The following ACSF3 variants were observed in gnomAD, a reference collection of about 807,000 sequenced individuals.
The protein encoded by ACSF3 is malonate--CoA ligase ACSF3, mitochondrial.
ACSF3 carries 78 observed loss-of-function variants against 53.2 expected under a neutral mutation model. The observed-to-expected ratio is 1.47, with a 90% confidence interval of 1.22 to 1.77. The LOEUF (loss-of-function observed/expected upper bound fraction) is 1.77, where lower values mean the gene tolerates loss of function less well. Ranked by LOEUF, ACSF3 falls within the 40% of genes most tolerant of loss-of-function variation. The probability of loss-of-function intolerance (pLI) is 0.00; values close to 1 mark genes in which losing one functional copy is unlikely to be tolerated. For missense variants in ACSF3, 937 were observed against 771.1 expected (o/e 1.22, Z -2.55); for synonymous variants, 414 against 333.1 (o/e 1.24, Z -2.65).
At chr16:89,107,884 A>G (rs1399697989) in intron 4 of ACSF3, among the ~76,000 whole-genome samples, 1 of 152,174 alleles carries the variant, frequency 6.6e-6, no homozygotes, top group African/African-American at 2.4e-5. Context: ...AATTTACTGT[A>G]TTAGTCCGTG....
chr16:89,151,201 A>G lies in ACSF3; in HGVS notation c.1614-2889A>G, dbSNP rs949732747. On this transcript the variant is annotated intron_variant, in intron 10 of 10. Coordinates refer to ENST00000614302, the MANE Select transcript of ACSF3 (RefSeq NM_001243279.3). ...ACAGATAACTCCCTTAAAAGACACAAATTGCCAAGACTGACGCAAACACTG... is the reference window on the plus strand; with the variant it reads ...ACAGATAACTCCCTTAAAAGACACAGATTGCCAAGACTGACGCAAACACTG... The G allele has an allele frequency of 1.0e-5, 5 of 490,002 alleles. No individual in the cohort carries two copies. The Admixed American group carries it at 1.2e-4, about 11-fold the overall frequency. The allele number at this position is 490,002 out of a possible 1,614,324, so 30.4% of individuals were successfully genotyped here.
chr16:89,119,248 G>A (rs1027311517), intron 6 of ACSF3, among the ~76,000 whole-genome samples: 4 of 152,310 alleles, frequency 2.6e-5, no homozygotes, highest in African/African-American at 9.6e-5. Flanking sequence ...CCCCACCTGC[G>A]GCCCCCGCCC....
chr16:89,143,389 G>A (rs1003290955), intron 8 of ACSF3, among the ~76,000 whole-genome samples: 2 of 152,164 alleles, frequency 1.3e-5, no homozygotes, highest in Admixed American at 6.5e-5. Flanking sequence ...TCCATGCTGC[G>A]CTGGGTCTCT....
At position 89,110,958 on chromosome 16, in the gene ACSF3, C is replaced by G. The variant is rs184047498; in HGVS notation, c.823-1134C>G. ...GTTGACTGTGTCTGACTTTTTTCCT[C>G]TTTTCTGCTGCGTCTTGTTTGTTAT... On this transcript the variant is annotated intron_variant, in intron 4 of 10. Transcript: ENST00000614302. 6.1e-4 allele frequency among the ~76,000 whole-genome samples: 93 copies of G among 152,318 alleles called. 2 individuals carry two copies. The highest frequency in any genetic ancestry group is 5.9e-3 in the Admixed American group (90 of 15,300).
chr16:89,151,061 C>T, intron 10 of ACSF3: 1 of 1,288,738 alleles, frequency 7.8e-7, no homozygotes, highest in Non-Finnish European at 1.0e-6. Context: ...GGAGAGAAAA[C>T]AGCATTCTAA....
rs1975292355 is a variant in ACSF3, at chr16:89,101,259, G to A, written c.578G>A (p.Arg193Lys). The stretch of plus-strand genomic sequence containing the variant: ...GTCCCGGTCCCAGAGCAGGGATGGA[G>A]GAACAAGGGCGCCATGATCATCTAC... ...AEVPVPEQGWRNKGAMIIYTS... is the reference protein window; with the variant it reads ...AEVPVPEQGWKNKGAMIIYTS... Residue 193 changes from arginine to lysine, a missense_variant, in exon 3 of 11, where the codon AGG (arginine) becomes AAG (lysine). Coordinates refer to ENST00000614302, the MANE Select transcript of ACSF3 (RefSeq NM_001243279.3). 1 of 1,601,446 alleles carries A rather than the reference G, an allele frequency of 6.2e-7. No homozygotes were observed. The highest frequency in any genetic ancestry group is 2.3e-5 in the East Asian group (1 of 44,366).
At chr16:89,127,559 G>T (rs1348478603) in intron 7 of ACSF3, among the ~76,000 whole-genome samples, 1 of 151,936 alleles carries the variant, frequency 6.6e-6, no homozygotes, top group African/African-American at 2.4e-5. Flanking sequence ...AGAGTTGGGG[G>T]TCTCACTATA....
rs1174106477 is a variant in ACSF3 at position 89,141,390 on chromosome 16, C to G, written c.1367-3877C>G. ...AGCCTGACATGTTCCAAGGGGCAAG[C>G]TCAGGGCTGGGAGGGAAGCAGCGGG... is the stretch of plus-strand genomic sequence containing the variant. On this transcript the variant is annotated intron_variant, in intron 8 of 10. Transcript: ENST00000614302. The G allele has an allele frequency of 4.4e-6, 5 of 1,137,250 alleles. No homozygotes were observed. In the African/African-American group the frequency reaches 6.4e-5, roughly 15 times the overall value. 70.4% of individuals were successfully genotyped at this position (1,137,250 alleles called of 1,614,324 possible). A position where few individuals can be genotyped will look rare whatever the true frequency, so the allele number is the denominator to read the frequency against.
chr16:89,120,449 G>C (rs186720794), intron 6 of ACSF3, among the ~76,000 whole-genome samples: 2 of 152,360 alleles, frequency 1.3e-5, no homozygotes, highest in East Asian at 3.9e-4. Flanking sequence ...AATGACACCA[G>C]AATCTGTGGG....
intron 8 of ACSF3, among the ~76,000 whole-genome samples, chr16:89,133,547 C>T (rs1435495007): frequency 6.6e-6 from 1 of 152,314 alleles, no homozygotes; most frequent in East Asian, 1.9e-4. Flanking sequence ...GACAGCCGCT[C>T]CGGCACGCAC....
Position 89,154,078 on chromosome 16 carries a change from T to C in ACSF3, c.1614-12T>C, listed in dbSNP as rs373509783. On this transcript the variant is annotated splice_polypyrimidine_tract_variant and intron_variant, in intron 10 of 10. Transcript: ENST00000614302. Reference sequence around the variant, plus strand: ...CAGGGCAGTGCGCCTCAGGCTGTGCTTGTCTCTGCAGAAATGTCCTGGCCC... The same window carrying C: ...CAGGGCAGTGCGCCTCAGGCTGTGCCTGTCTCTGCAGAAATGTCCTGGCCC... 6.6e-4 allele frequency: 1,059 copies of C among 1,611,784 alleles called. 2 individuals are homozygous for C. The highest frequency in any genetic ancestry group is 6.7e-4 in the Non-Finnish European group (794 of 1,179,196).
At chr16:89,125,237 G>T (rs1340309788) in intron 7 of ACSF3, among the ~76,000 whole-genome samples, 1 of 152,020 alleles carries the variant, frequency 6.6e-6, no homozygotes, top group Non-Finnish European at 1.5e-5. Flanking sequence ...CAGCTACTTG[G>T]GAGGCTGAGG....
chr16:89,103,844 A>C (rs1257524381), intron 4 of ACSF3, among the ~76,000 whole-genome samples: 1 of 152,198 alleles, frequency 6.6e-6, no homozygotes, highest in Admixed American at 6.5e-5. Flanking sequence ...GGTGCTGGTC[A>C]CACAGAGCGC....
In ACSF3 at chr16:89,131,127, C is replaced by CTTTTTTTT. The variant is rs558773398; in HGVS notation, c.1240-1992_1240-1985dup. Among the ~76,000 whole-genome samples, 159 of 69,556 alleles carry CTTTTTTTT rather than the reference C, an allele frequency of 2.3e-3. 2 individuals are homozygous for CTTTTTTTT. The highest frequency in any genetic ancestry group is 2.8e-3 in the Non-Finnish European group (107 of 38,892). The allele number at this position is 69,556 out of a possible 152,430, so 45.6% of individuals were successfully genotyped here. A position where few individuals can be genotyped will look rare whatever the true frequency, so the allele number is the denominator to read the frequency against. ...TTTCTTTCTTTTTCTTTTTCTTTTT[C>CTTTTTTTT]TTTTTTTTTTTTTTTTTTTTTTTTG... On this transcript the variant is annotated intron_variant, in intron 7 of 10. Transcript: ENST00000614302.
In ACSF3 at chr16:89,155,890, C is replaced by G. The variant is rs1223051521; in HGVS notation, c.*1683C>G. 2.5e-6 allele frequency: 1 copy of G among 401,872 alleles called. No homozygotes were observed. The highest frequency in any genetic ancestry group is 4.9e-6 in the Non-Finnish European group (1 of 202,608). The allele number at this position is 401,872 out of a possible 1,614,324, so 24.9% of individuals were successfully genotyped here. A position where few individuals can be genotyped will look rare whatever the true frequency, so the allele number is the denominator to read the frequency against. On this transcript the variant is annotated 3_prime_UTR_variant, in exon 11 of 11. Transcript: ENST00000614302. Reference sequence around the variant, plus strand: ...CTTTCGAAATAATGAGTGTAACTTTCTGCTGACAATACTACAAACTACAGA... The same window carrying G: ...CTTTCGAAATAATGAGTGTAACTTTGTGCTGACAATACTACAAACTACAGA...
intron 2 of ACSF3, among the ~76,000 whole-genome samples, chr16:89,100,192 G>T (rs1975105671): frequency 6.6e-6 from 1 of 152,240 alleles, no homozygotes; most frequent in Non-Finnish European, 1.5e-5. Context: ...ACCAGTGTGG[G>T]AAGGGTCTGA....
At chr16:89,145,594 C>A (rs1912773434) in intron 9 of ACSF3, among the ~76,000 whole-genome samples, 193 bp downstream of exon 9, 1 of 152,210 alleles carries the variant, frequency 6.6e-6, no homozygotes, top group South Asian at 2.1e-4. Flanking sequence ...GGTGTTGGAG[C>A]CACTGACCCC....
intron 1 of ACSF3, among the ~76,000 whole-genome samples, chr16:89,094,502 A>G (rs905922399): frequency 6.6e-6 from 1 of 152,044 alleles, no homozygotes; most frequent in African/African-American, 2.4e-5. Context: ...AAGTATTTGG[A>G]AGGTACTGCA....
intron 8 of ACSF3, among the ~76,000 whole-genome samples, chr16:89,138,423 G>T (rs1407296963): frequency 6.6e-6 from 1 of 152,246 alleles, no homozygotes; most frequent in African/African-American, 2.4e-5. Context: ...CAGGCCTCCT[G>T]GTGGGGCCCC....
Sources: gnomAD v4.1 joint callset for allele counts (sites outside exome capture counted in the v4.1 genomes callset) on GRCh38, gnomAD v4.1.1 for gene constraint, MANE v1.5 for transcripts, NCBI Gene and HGNC (gene_info 2026-07-23, HGNC 2026-07-21) for gene names.